The following BNIP5 variants were observed in gnomAD, a reference collection of about 807,000 sequenced individuals.
BNIP5 encodes the protein BCL2 interacting protein 5.
In BNIP5, 61 loss-of-function variants were observed where a neutral mutation model predicts 67.3. That is an observed-to-expected ratio of 0.91 (90% CI 0.74 to 1.12). The LOEUF (loss-of-function observed/expected upper bound fraction) is 1.12, where lower values mean the gene tolerates loss of function less well. Ranked by LOEUF, BNIP5 falls within the 50% of genes most tolerant of loss-of-function variation. The pLI, the probability that BNIP5 is intolerant of heterozygous loss-of-function variation, is 0.00. For synonymous variants in BNIP5, 317 were observed against 319.0 expected, an observed-to-expected ratio of 0.99 and a Z score of 0.07; for missense variants, 826 against 816.3, an observed-to-expected ratio of 1.01 and a Z score of -0.14.
chr6:36,333,881 G>T (rs1428144902), intron 1 of BNIP5, among the ~76,000 whole-genome samples: 5 of 152,218 alleles, frequency 3.3e-5, no homozygotes, highest in Admixed American at 3.3e-4. Context: ...ATTGGATGGG[G>T]TTGTCAGAGA....
intron 11 of BNIP5, among the ~76,000 whole-genome samples, chr6:36,317,806 A>AAATG (rs71971570): frequency 0.11 from 17,170 of 151,774 alleles, 1,029 homozygotes; most frequent in Middle Eastern, 0.15. Flanking sequence ...GCTACCAGTT[A>AAATG]AATGAATGAA....
At chr6:36,319,314 C>A in intron 11 of BNIP5, 42 bp downstream of exon 11, 2 of 1,602,556 alleles carry the variant, frequency 1.2e-6, no homozygotes, top group South Asian at 2.2e-5. Flanking sequence ...AGCCTGCTGT[C>A]ACTCATGCTA....
intron 5 of BNIP5, among the ~76,000 whole-genome samples, chr6:36,326,267 G>A (rs1453728853): frequency 6.6e-6 from 1 of 152,210 alleles, no homozygotes. Context: ...GGGAAATCCC[G>A]GAACATAATT....
Position 36,317,082 on chromosome 6 carries a change from A to G in BNIP5, c.*274T>C, listed in dbSNP as rs1206735357. On this transcript the variant is annotated 3_prime_UTR_variant, in exon 12 of 12. Coordinates refer to ENST00000437635, the MANE Select transcript of BNIP5 (RefSeq NM_001010903.5). ...GGAATGTGTAGAGGGTCATGCAGCAAGTCTGGGGTAGGTTCAGCAGGTAGA... is the reference window on the plus strand; with the variant it reads ...GGAATGTGTAGAGGGTCATGCAGCAGGTCTGGGGTAGGTTCAGCAGGTAGA... The G allele has an allele frequency of 3.7e-6, 2 of 547,188 alleles. No individual in the cohort carries two copies. Among genetic ancestry groups the G allele is most frequent in the East Asian group, 6.0e-5 (2 of 33,420 alleles). The allele number at this position is 547,188 out of a possible 1,614,324, so 33.9% of individuals were successfully genotyped here.
At chr6:36,322,690 G>T (rs530387753) in intron 8 of BNIP5, among the ~76,000 whole-genome samples, 2 of 152,220 alleles carry the variant, frequency 1.3e-5, no homozygotes, top group South Asian at 2.1e-4. Flanking sequence ...AGGTGTGCCA[G>T]CAGGGCCCAC....
Position 36,330,487 on chromosome 6 carries a change from A to G in BNIP5, c.204T>C (p.Ala68=), listed in dbSNP as rs149607586. 24,645 of 1,614,120 alleles carry G rather than the reference A, an allele frequency of 0.015. 240 individuals carry two copies. Among genetic ancestry groups the G allele is most frequent in the Non-Finnish European group, 0.019 (22,160 of 1,180,006 alleles). ...TGGGGGCTGCAGCGGTGGTGCAGTG[A>G]GCCTCTGCAGATGGAGCTGGGCTGT... The part of the protein sequence containing the change: ...HSDSPAPSAE[A]HCTTAAAPTP... Residue 68 remains alanine, a synonymous_variant, in exon 2 of 12, where the codon GCT becomes GCC. Transcript: ENST00000437635.
chr6:36,336,681 C>T (rs1239303364), intron 1 of BNIP5, 31 bp downstream of exon 1: 4 of 152,216 alleles, frequency 2.6e-5, no homozygotes, highest in African/African-American at 7.2e-5. Flanking sequence ...ACTGCTCCCG[C>T]CCCCAAAGGA....
rs775778632 is a variant in BNIP5 at position 36,325,322 on chromosome 6, G to T, written c.1129C>A (p.Pro377Thr). ...CTGTCCAGCGGAAGCTCCTCTCCAG[G>T]TTCCTGGCTCTCTGATGGGGTGGGA... is the stretch of plus-strand genomic sequence containing the variant. ...VLPTPSESQE[P>T]GEELPLDRAS... The change falls in exon 6 of 12, where the codon CCT becomes ACT. Residue 377 changes from proline to threonine, a missense_variant. Transcript: ENST00000437635. 2.0e-5 allele frequency: 32 copies of T among 1,614,058 alleles called. 1 individual carries two copies. The South Asian group carries it at 3.4e-4, about 17-fold the overall frequency.
At position 36,331,303 on chromosome 6, in the gene BNIP5, C is replaced by T. The variant is rs542504121; in HGVS notation, c.-4-609G>A. 3.9e-5 allele frequency among the ~76,000 whole-genome samples: 6 copies of T among 152,348 alleles called. No homozygotes were observed. In the South Asian group the frequency reaches 1.2e-3, roughly 32 times the overall value. On this transcript the variant is annotated intron_variant, in intron 1 of 11. Transcript: ENST00000437635. ...ATCTCAGGGCTGGTCAGCCGCACCTCCAGAGCCCCTGAAAGGAACATAGCC... is the reference window on the plus strand; with the variant it reads ...ATCTCAGGGCTGGTCAGCCGCACCTTCAGAGCCCCTGAAAGGAACATAGCC...
intron 2 of BNIP5, 22 bp downstream of exon 2, chr6:36,330,059 G>A (rs555205233): frequency 6.4e-7 from 1 of 1,567,564 alleles, no homozygotes; most frequent in African/African-American, 1.4e-5. Context: ...GGTTGCCATA[G>A]GAACAGGCAC....
rs537083835 is a variant in BNIP5 at position 36,326,949 on chromosome 6, T to C, written c.792+81A>G. 10 of 1,454,878 alleles carry C rather than the reference T, an allele frequency of 6.9e-6. No homozygotes were observed. The African/African-American group carries it at 1.4e-4, about 20-fold the overall frequency. 90.1% of individuals were successfully genotyped at this position (1,454,878 alleles called of 1,614,324 possible). ...GGAAGGAATGGACTAGAGCCCGGCCTGCAAGGACAGGTGGAGCTTGGCAGA... is the reference window on the plus strand; with the variant it reads ...GGAAGGAATGGACTAGAGCCCGGCCCGCAAGGACAGGTGGAGCTTGGCAGA... On this transcript the variant is annotated intron_variant, in intron 4 of 11. Transcript: ENST00000437635.
In BNIP5 at chr6:36,326,802, G is replaced by T. The variant is rs767787440; in HGVS notation, c.793-49C>A. 9.9e-6 allele frequency: 16 copies of T among 1,608,558 alleles called. No homozygotes were observed. In the Admixed American group the frequency reaches 2.7e-4, roughly 27 times the overall value. ...GGTCAGGTTCATGACACTGAGAGGG[G>T]GAAAGCTCTCTGGAGGCAAGTGAAG... is the stretch of plus-strand genomic sequence containing the variant. On this transcript the variant is annotated intron_variant, in intron 4 of 11. Coordinates refer to ENST00000437635, the MANE Select transcript of BNIP5 (RefSeq NM_001010903.5).
At position 36,332,830 on chromosome 6, in the gene BNIP5, C is replaced by T. The variant is rs185698606; in HGVS notation, c.-4-2136G>A. On this transcript the variant is annotated intron_variant, in intron 1 of 11. Coordinates refer to ENST00000437635, the MANE Select transcript of BNIP5 (RefSeq NM_001010903.5). ...ATTTTTCCAGAGTTGTTCAGAAGGC[C>T]TCTTCCCTTCAGTGGAAGGTAAAAG... Among the ~76,000 whole-genome samples the T allele has an allele frequency of 5.0e-3, 755 of 152,232 alleles. 4 individuals are homozygous for T. The highest frequency in any genetic ancestry group is 8.9e-3 in the South Asian group (43 of 4,820).
chr6:36,320,417 C>T (rs113285353), intron 10 of BNIP5, among the ~76,000 whole-genome samples: 5 of 152,294 alleles, frequency 3.3e-5, no homozygotes, highest in African/African-American at 9.6e-5. Context: ...TCCCACCAGC[C>T]ATTGGTTGAG....
intron 7 of BNIP5, 101 bp downstream of exon 7, chr6:36,324,028 G>A: frequency 1.1e-6 from 1 of 876,628 alleles, no homozygotes; most frequent in African/African-American, 1.7e-5. Flanking sequence ...AGGGACTGGA[G>A]CAGGACACAG....
chr6:36,319,184 G>A (rs1443209247), intron 11 of BNIP5, among the ~76,000 whole-genome samples, 172 bp downstream of exon 11: 1 of 152,178 alleles, frequency 6.6e-6, no homozygotes, highest in East Asian at 1.9e-4. Flanking sequence ...GGTTGTCATG[G>A]TTTAGAATTG....
chr6:36,326,547 A>C lies in BNIP5; in HGVS notation c.999T>G (p.Cys333Trp), dbSNP rs750991508. 6.2e-7 allele frequency: 1 copy of C among 1,614,280 alleles called. No homozygotes were observed. Among genetic ancestry groups the C allele is most frequent in the Non-Finnish European group, 8.5e-7 (1 of 1,180,050 alleles). ...AGATGGAAGGCCGATGGCCGCTGAC[A>C]CACAGGGGCAGAAAGCTGGACTTCT... ...PPKKSSFLPL[C>W]VSGHRPSISS... The change falls in exon 5 of 12, where the codon TGT becomes TGG. Residue 333 changes from cysteine to tryptophan, a missense_variant. Transcript: ENST00000437635.
chr6:36,333,204 T>C (rs1026357321), intron 1 of BNIP5, among the ~76,000 whole-genome samples: 3 of 152,242 alleles, frequency 2.0e-5, no homozygotes, highest in Non-Finnish European at 4.4e-5. Context: ...AACCAGATGG[T>C]ATTGCAGCCC....
chr6:36,332,274 C>A (rs1771924891), intron 1 of BNIP5, among the ~76,000 whole-genome samples: 1 of 152,140 alleles, frequency 6.6e-6, no homozygotes. Context: ...TGAGTTTGTT[C>A]ATGGTTTGTT....
Sources: allele counts gnomAD v4.1 joint callset (sites outside exome capture counted in the v4.1 genomes callset), GRCh38; gene constraint gnomAD v4.1.1; transcripts MANE v1.5; gene names NCBI Gene and HGNC (gene_info 2026-07-23, HGNC 2026-07-21).